Variants in ASIC4 observed in about 807,000 individuals in gnomAD.
ASIC4 encodes acid sensing ion channel subunit family member 4.
ASIC4 carries 28 observed loss-of-function variants against 53.4 expected under a neutral mutation model. The ratio of observed to expected loss-of-function variants is 0.52; its 90% CI spans 0.39 to 0.72. The LOEUF is 0.72. Ranked by LOEUF, ASIC4 falls within the 30% of genes least tolerant of loss-of-function variation. The pLI, the probability that ASIC4 is intolerant of heterozygous loss-of-function variation, is 0.00. For synonymous variants in ASIC4, 289 were observed against 301.4 expected (o/e 0.96, Z 0.43); for missense variants, 649 against 729.7 (o/e 0.89, Z 1.27).
rs773056051 is a variant in ASIC4, at chr2:219,514,815, G to A, written c.91G>A (p.Gly31Arg). 2.2e-5 allele frequency: 36 copies of A among 1,613,238 alleles called. No individual in the cohort carries two copies. The highest frequency in any genetic ancestry group is 4.0e-5 in the African/African-American group (3 of 74,906). ...KEAGDEQSLLGAVAPGAAPRD... is the reference protein window; with the variant it reads ...KEAGDEQSLLRAVAPGAAPRD... ...GGCAGGGGATGAGCAGAGCCTCCTC[G>A]GGGCTGTTGCCCCTGGAGCAGCCCC... The change falls in exon 1 of 10, where the codon GGG (glycine) becomes AGG (arginine). Residue 31 changes from glycine (G) to arginine (R), a missense_variant. Gly to Arg is a moderately radical substitution (Grantham distance 125, BLOSUM62 -2). Coordinates refer to ENST00000358078, the MANE Select transcript of ASIC4 (RefSeq NM_018674.6).
At chr2:219,512,470 TA>T (rs200322339), upstream of ASIC4, among the ~76,000 whole-genome samples, 154 of 151,090 alleles carry the variant, frequency 1.0e-3, 1 homozygote, top group Non-Finnish European at 9.9e-4. Flanking sequence ...AATCACCTTT[TA>T]AAAAAAACAG....
In ASIC4 at chr2:219,514,860, G is replaced by A; in HGVS notation, c.136G>A (p.Ala46Thr). The stretch of plus-strand genomic sequence containing the variant: ...AGCCCCCCGAGACCTGGCCACCTTT[G>A]CCAGCACCAGCACCCTGCATGGACT... ...GAAPRDLATF[A>T]STSTLHGLGR... is the part of the protein sequence containing the mutation. The change falls in exon 1 of 10, where the codon GCC becomes ACC. Residue 46 changes from alanine (A) to threonine (T), a missense_variant. Coordinates refer to ENST00000358078, the MANE Select transcript of ASIC4 (RefSeq NM_018674.6). The A allele has an allele frequency of 6.2e-7, 1 of 1,612,862 alleles. No individual in the cohort carries two copies. The highest frequency in any genetic ancestry group is 8.5e-7 in the Non-Finnish European group (1 of 1,179,890).
chr2:219,535,103 C>T lies in ASIC4; in HGVS notation c.1076-68C>T, dbSNP rs549336969. ...TCAGGACGGCCCCTGGGCCTCCTCT[C>T]TGCAGCTGGTGGGCCACTGGACCAC... On this transcript the variant is annotated intron_variant, in intron 5 of 9. Coordinates refer to ENST00000358078, the MANE Select transcript of ASIC4 (RefSeq NM_018674.6). 4.5e-6 allele frequency: 7 copies of T among 1,555,524 alleles called. No individual in the cohort carries two copies. The South Asian group carries it at 7.4e-5, about 16-fold the overall frequency.
chr2:219,538,686 G>T lies in ASIC4; in HGVS notation c.*640G>T. 1 of 155,518 alleles carries T rather than the reference G, an allele frequency of 6.4e-6. No homozygotes were observed. Among genetic ancestry groups the T allele is most frequent in the Non-Finnish European group, 1.4e-5 (1 of 69,848 alleles). The allele number at this position is 155,518 out of a possible 1,614,324, so 9.6% of individuals were successfully genotyped here. Reference sequence around the variant, plus strand: ...TCCAGACTTCGGCTGAGCTTGGAGGGTGGGAAGGGAGCCTTCTCAGTCCTC... The same window carrying T: ...TCCAGACTTCGGCTGAGCTTGGAGGTTGGGAAGGGAGCCTTCTCAGTCCTC... On this transcript the variant is annotated 3_prime_UTR_variant, in exon 10 of 10. Coordinates refer to ENST00000358078, the MANE Select transcript of ASIC4 (RefSeq NM_018674.6).
chr2:219,536,167 A>G lies in ASIC4; in HGVS notation c.1229+843A>G, dbSNP rs1350344620. Among the ~76,000 whole-genome samples, 2 of 152,216 alleles carry G rather than the reference A, an allele frequency of 1.3e-5. No individual in the cohort carries two copies. The highest frequency in any genetic ancestry group is 2.9e-5 in the Non-Finnish European group (2 of 68,050). On this transcript the variant is annotated intron_variant, in intron 6 of 9. Transcript: ENST00000358078. This position sits in a 1 kb window ranked among gnomAD's most constrained non-coding sequence, Gnocchi z 4.6. ...GTGCTTCCAGGTCCAAACACCTTTC[A>G]TCTGAGTTCCCAGCACCCGTACAGA...
rs1350409420 is a variant in ASIC4, at chr2:219,537,651, A to G, written c.1421A>G (p.Lys474Arg). Reference protein sequence around the residue: ...YIYEVSWDRLKRVWRRPKTPL... With the variant: ...YIYEVSWDRLRRVWRRPKTPL... ...CCCAAGGTGTCCTGGGATCGACTGA[A>G]GCGGGTATGGAGGCGTCCCAAGACC... The change falls in exon 9 of 10, where the codon AAG becomes AGG. Residue 474 changes from lysine (K) to arginine (R), a missense_variant. Coordinates refer to ENST00000358078, the MANE Select transcript of ASIC4 (RefSeq NM_018674.6). This position sits in a 1 kb window ranked among gnomAD's most constrained non-coding sequence, Gnocchi z 4.9. The G allele has an allele frequency of 1.9e-6, 3 of 1,613,416 alleles. No homozygotes were observed. The highest frequency in any genetic ancestry group is 2.5e-6 in the Non-Finnish European group (3 of 1,179,692).
intron 1 of ASIC4, among the ~76,000 whole-genome samples, chr2:219,527,088 T>C (rs771120519): frequency 6.6e-6 from 1 of 152,198 alleles, no homozygotes; most frequent in Non-Finnish European, 1.5e-5. Flanking sequence ...GAGGGAGCAG[T>C]GGACAACCTG....
At position 219,537,866 on chromosome 2, in the gene ASIC4, C is replaced by T. The variant is rs868259980; in HGVS notation, c.1507-67C>T. The T allele has an allele frequency of 2.2e-5, 32 of 1,484,414 alleles. No homozygotes were observed. Among genetic ancestry groups the T allele is most frequent in the Middle Eastern group, 3.7e-4 (2 of 5,380 alleles). 92.0% of individuals were successfully genotyped at this position (1,484,414 alleles called of 1,614,324 possible). On this transcript the variant is annotated intron_variant, in intron 9 of 9. Coordinates refer to ENST00000358078, the MANE Select transcript of ASIC4 (RefSeq NM_018674.6). This position sits in a 1 kb window ranked among gnomAD's most constrained non-coding sequence, Gnocchi z 4.9. ...GCCCGAGGTGACAAGGAAAGGCTGG[C>T]GGTGTGAGCCCTGGGGGCACCACTT...
At chr2:219,535,111 G>T in intron 5 of ASIC4, 60 bp from the exon 6 acceptor site, 2 of 1,563,778 alleles carry the variant, frequency 1.3e-6, no homozygotes, top group South Asian at 1.2e-5. Context: ...CTCTGCAGCT[G>T]GTGGGCCACT....
rs149422985 is a variant in ASIC4 at position 219,516,407 on chromosome 2, C to T, written c.582+1101C>T. Among the ~76,000 whole-genome samples, 343 of 152,134 alleles carry T rather than the reference C, an allele frequency of 2.3e-3. 1 individual carries two copies. Among genetic ancestry groups the T allele is most frequent in the African/African-American group, 7.7e-3 (318 of 41,484 alleles). ...TGAGCTTGGGCTGCTCTGCCATGCA[C>T]GCCTCCCACAGTCAGGTATGTGAGG... On this transcript the variant is annotated intron_variant, in intron 1 of 9. Coordinates refer to ENST00000358078, the MANE Select transcript of ASIC4 (RefSeq NM_018674.6). This position sits in a 1 kb window ranked among gnomAD's most constrained non-coding sequence, Gnocchi z 4.9.
Position 219,518,017 on chromosome 2 carries a change from C to T in ASIC4, c.582+2711C>T, listed in dbSNP as rs1559453752. Among the ~76,000 whole-genome samples, 1 of 152,152 alleles carries T rather than the reference C, an allele frequency of 6.6e-6. No homozygotes were observed. Among genetic ancestry groups the T allele is most frequent in the African/African-American group, 2.4e-5 (1 of 41,414 alleles). ...TCCCCCAGTCCCCTCTGCTGCTGCT[C>T]TTGCTTCTGTTACCACTGCAATCGC... is the stretch of plus-strand genomic sequence containing the variant. On this transcript the variant is annotated intron_variant, in intron 1 of 9. Transcript: ENST00000358078. This position sits in a 1 kb window ranked among gnomAD's most constrained non-coding sequence, Gnocchi z 4.8.
In ASIC4 at chr2:219,537,473, T is replaced by C. The variant is rs1695161050; in HGVS notation, c.1401+152T>C. On this transcript the variant is annotated intron_variant, in intron 8 of 9. Coordinates refer to ENST00000358078, the MANE Select transcript of ASIC4 (RefSeq NM_018674.6). The surrounding 1 kb of genome is among the most constrained non-coding windows in gnomAD (Gnocchi z 4.9). ...CTGACTGGCTGGCAGGCCTGAGGGC[T>C]CAGAGTCAGGAGAAGGGGATGGGTG... 9.1e-7 allele frequency: 1 copy of C among 1,104,908 alleles called. No individual in the cohort carries two copies. The highest frequency in any genetic ancestry group is 2.2e-5 in the Admixed American group (1 of 46,120). The allele number at this position is 1,104,908 out of a possible 1,614,324, so 68.4% of individuals were successfully genotyped here. A position where few individuals can be genotyped will look rare whatever the true frequency, so the allele number is the denominator to read the frequency against.
Position 219,515,554 on chromosome 2 carries a change from G to A in ASIC4, c.582+248G>A, listed in dbSNP as rs570534051. 1.1e-3 allele frequency among the ~76,000 whole-genome samples: 162 copies of A among 152,386 alleles called. 1 individual carries two copies. Among genetic ancestry groups the A allele is most frequent in the African/African-American group, 3.8e-3 (156 of 41,592 alleles). On this transcript the variant is annotated intron_variant, in intron 1 of 9. Transcript: ENST00000358078. ...TCTTCTTGGTTTTGCTGCTGCTGCA[G>A]TGCCCAGGTCTGGGAGTTGGGGTGG...
intron 1 of ASIC4, among the ~76,000 whole-genome samples, chr2:219,531,402 G>C (rs116411475): frequency 0.01 from 1,560 of 152,184 alleles, 31 homozygotes; most frequent in African/African-American, 0.035. Context: ...CCCAGGACTA[G>C]CTGTTGGCTT....
upstream of ASIC4, among the ~76,000 whole-genome samples, chr2:219,509,242 A>G (rs1694667370): frequency 6.6e-6 from 1 of 151,706 alleles, no homozygotes. This position sits in a 1 kb window ranked among gnomAD's most constrained non-coding sequence, Gnocchi z 5.2. Flanking sequence ...TCTGGGAAGC[A>G]GGCACAGCTG....
the ASIC4 span, among the ~76,000 whole-genome samples, chr2:219,507,248 C>T: frequency 6.6e-6 from 1 of 152,286 alleles, no homozygotes; most frequent in South Asian, 2.1e-4. Flanking sequence ...CCTCACCGGG[C>T]CTGGCTCAGG....
In ASIC4 at chr2:219,531,800, C is replaced by G. The variant is rs751423197; in HGVS notation, c.625C>G (p.Pro209Ala). The G allele has an allele frequency of 6.2e-7, 1 of 1,613,136 alleles. No homozygotes were observed. Among genetic ancestry groups the G allele is most frequent in the South Asian group, 1.1e-5 (1 of 90,886 alleles). ...GAAGTGTTACACCTTCAACGCGGAC[C>G]CGCGGAGCTCGCTGCCCAGCCGGGC... ...YGKCYTFNAD[P>A]RSSLPSRAGG... The change falls in exon 2 of 10, where the codon CCG becomes GCG. Residue 209 changes from proline (P) to alanine (A), a missense_variant. Physicochemically the swap from Pro to Ala is conservative, Grantham distance 27. Transcript: ENST00000358078.
In ASIC4 at chr2:219,518,538, C is replaced by T. The variant is rs1300390386; in HGVS notation, c.582+3232C>T. On this transcript the variant is annotated intron_variant, in intron 1 of 9. Coordinates refer to ENST00000358078, the MANE Select transcript of ASIC4 (RefSeq NM_018674.6). The surrounding 1 kb of genome is among the most constrained non-coding windows in gnomAD (Gnocchi z 4.8). The stretch of plus-strand genomic sequence containing the variant: ...TCCTCTCTTCTCCCTCCCCTCTTCA[C>T]TCAGTCTCATACCATCTCACTCCCG... Among the ~76,000 whole-genome samples, 1 of 151,982 alleles carries T rather than the reference C, an allele frequency of 6.6e-6. No homozygotes were observed. The highest frequency in any genetic ancestry group is 1.5e-5 in the Non-Finnish European group (1 of 67,998).
the ASIC4 span, among the ~76,000 whole-genome samples, chr2:219,507,650 C>T: frequency 6.6e-6 from 1 of 152,166 alleles, no homozygotes; most frequent in Non-Finnish European, 1.5e-5. Context: ...CATGTTTGCC[C>T]ATGACCCCCA....
Sources: gnomAD v4.1 joint callset for allele counts (sites outside exome capture counted in the v4.1 genomes callset) on GRCh38, gnomAD v4.1.1 for gene constraint, Gnocchi (gnomAD v3.1) non-coding constraint, MANE v1.5 for transcripts, NCBI Gene and HGNC (gene_info 2026-07-23, HGNC 2026-07-21) for gene names.